The following MECOM variants were observed in gnomAD, a reference collection of about 807,000 sequenced individuals.
The protein encoded by MECOM is MDS1 and EVI1 complex locus, also known as histone-lysine N-methyltransferase MECOM.
A neutral mutation model predicts 116.3 loss-of-function variants in MECOM; 13 were observed. The observed-to-expected ratio is 0.11, with a 90% CI of 0.07 to 0.18. The LOEUF (loss-of-function observed/expected upper bound fraction) is 0.18. Ranked by LOEUF, MECOM falls within the 10% of genes least tolerant of loss-of-function variation. The pLI, the probability that MECOM is intolerant of heterozygous loss-of-function variation, is 1.00. For missense variants in MECOM, 1,299 were observed against 1,509.0 expected (o/e 0.86, Z 2.31); for synonymous variants, 528 against 535.2 (o/e 0.99, Z 0.19).
At chr3:169,277,323 A>C (rs140231472) in intron 2 of MECOM, among the ~76,000 whole-genome samples, 91 of 152,358 alleles carry the variant, frequency 6.0e-4, no homozygotes, top group African/African-American at 2.1e-3. Context: ...AAGGGATAAG[A>C]AACACTTTCT....
At chr3:169,602,013 G>GAA (rs1434373682) in intron 1 of MECOM, among the ~76,000 whole-genome samples, 35 of 151,908 alleles carry the variant, frequency 2.3e-4, no homozygotes, top group Non-Finnish European at 4.7e-4. Flanking sequence ...TTCAAGAAGA[G>GAA]GAACCCATTA....
At chr3:169,378,446 A>AAAGAAAGAAAGAAAGCAAGC (rs1731542714) in intron 2 of MECOM, among the ~76,000 whole-genome samples, 1 of 80,412 alleles carries the variant, frequency 1.2e-5, no homozygotes, top group Non-Finnish European at 2.2e-5. Flanking sequence ...AGAAAGAAAG[A>AAAGAAAGAAAGAAAGCAAGC]AAGAAGGAAA....
intron 1 of MECOM, among the ~76,000 whole-genome samples, chr3:169,390,472 T>C (rs1489500288): frequency 6.6e-6 from 1 of 152,188 alleles, no homozygotes. Flanking sequence ...GGGCAGAAGG[T>C]GTGGTTTACT....
At chr3:169,413,383 A>G (rs2108464536) in intron 1 of MECOM, among the ~76,000 whole-genome samples, 1 of 152,124 alleles carries the variant, frequency 6.6e-6, no homozygotes. Context: ...TCCATCAGGT[A>G]CCTACACCAC....
intron 2 of MECOM, among the ~76,000 whole-genome samples, chr3:169,310,997 A>G (rs116613950): frequency 1.2e-3 from 176 of 152,366 alleles, no homozygotes; most frequent in Middle Eastern, 3.4e-3. Flanking sequence ...AAGAAGATAC[A>G]GTAATATCCA....
chr3:169,126,782 A>G (rs747182718), intron 5 of MECOM, among the ~76,000 whole-genome samples: 1 of 152,040 alleles, frequency 6.6e-6, no homozygotes, highest in Non-Finnish European at 1.5e-5. Flanking sequence ...TAACCAGGAG[A>G]AGAGGATATA....
Position 169,208,797 on chromosome 3 carries a change from C to T in MECOM, c.376-64965G>A, listed in dbSNP as rs142725858. Among the ~76,000 whole-genome samples, 423 of 151,488 alleles carry T rather than the reference C, an allele frequency of 2.8e-3. 3 individuals carry two copies. The highest frequency in any genetic ancestry group is 7.2e-3 in the African/African-American group (299 of 41,280). On this transcript the variant is annotated intron_variant, in intron 2 of 16. Coordinates refer to ENST00000651503, the MANE Select transcript of MECOM (RefSeq NM_004991.4). ...TAATTTATAGATTCAATTCTATTCC[C>T]ATCAAACTACATTGACTTTCTTCAC...
intron 1 of MECOM, among the ~76,000 whole-genome samples, chr3:169,539,529 C>A (rs1759804423): frequency 1.3e-5 from 2 of 152,162 alleles, no homozygotes; most frequent in African/African-American, 4.8e-5. Flanking sequence ...TCATAAATGT[C>A]ACCACCACCC....
At chr3:169,261,924 T>C (rs1033476209) in intron 2 of MECOM, among the ~76,000 whole-genome samples, 4 of 152,226 alleles carry the variant, frequency 2.6e-5, no homozygotes, top group Non-Finnish European at 5.9e-5. Flanking sequence ...ATGCTATCTG[T>C]AGCTACAAAG....
intron 2 of MECOM, among the ~76,000 whole-genome samples, chr3:169,166,207 T>C (rs1380679683): frequency 6.6e-6 from 1 of 152,196 alleles, no homozygotes; most frequent in Admixed American, 6.5e-5. Context: ...AAAATGCCAA[T>C]GGCTTTCTAT....
intron 2 of MECOM, among the ~76,000 whole-genome samples, chr3:169,365,816 A>G (rs1259813707): frequency 6.6e-6 from 1 of 152,032 alleles, no homozygotes; most frequent in African/African-American, 2.4e-5. Flanking sequence ...AACAACATCA[A>G]ATAAACTCCA....
intron 1 of MECOM, among the ~76,000 whole-genome samples, chr3:169,519,376 A>G (rs1757080849): frequency 6.6e-6 from 1 of 152,244 alleles, no homozygotes; most frequent in Non-Finnish European, 1.5e-5. Flanking sequence ...TATCAAAGAT[A>G]TATGAACTTT....
At chr3:169,092,717 T>C (rs1423399084) in intron 14 of MECOM, among the ~76,000 whole-genome samples, 1 of 152,098 alleles carries the variant, frequency 6.6e-6, no homozygotes, top group Non-Finnish European at 1.5e-5. Context: ...AGCTTCAATG[T>C]CTCCATTCCT....
chr3:169,395,406 A>G, intron 1 of MECOM, among the ~76,000 whole-genome samples: 1 of 152,194 alleles, frequency 6.6e-6, no homozygotes, highest in Admixed American at 6.5e-5. Flanking sequence ...AAGGCATTAC[A>G]CAAATTGTGT....
chr3:169,474,535 C>T (rs1022326048), intron 1 of MECOM, among the ~76,000 whole-genome samples: 3 of 152,060 alleles, frequency 2.0e-5, no homozygotes, highest in Non-Finnish European at 4.4e-5. Context: ...TATATTGTTA[C>T]AATCATATAT....
chr3:169,306,148 A>G (rs1717656428), intron 2 of MECOM, among the ~76,000 whole-genome samples: 1 of 152,164 alleles, frequency 6.6e-6, no homozygotes, highest in Admixed American at 6.5e-5. Flanking sequence ...AAAGTAAAGC[A>G]TTATCGAGGT....
chr3:169,486,006 CT>C (rs1752293763), intron 1 of MECOM, among the ~76,000 whole-genome samples: 1 of 108,546 alleles, frequency 9.2e-6, no homozygotes, highest in Admixed American at 1.1e-4. Flanking sequence ...TATATATATA[CT>C]ATATATATAT....
At position 169,656,894 on chromosome 3, in the gene MECOM, T is replaced by A. The variant is rs185959653; in HGVS notation, c.37+6442A>T. Among the ~76,000 whole-genome samples the A allele has an allele frequency of 4.6e-5, 7 of 152,378 alleles. No homozygotes were observed. In the East Asian group the frequency reaches 1.2e-3, roughly 25 times the overall value. ...ATGTACTTCTTAGAACAACTATGTT[T>A]CTATATAGATAAAAATGCTGTATGG... On this transcript the variant is annotated intron_variant, in intron 1 of 16. Transcript: ENST00000651503.
At chr3:169,101,979 A>C in intron 11 of MECOM, 81 bp downstream of exon 11, 1 of 1,392,252 alleles carries the variant, frequency 7.2e-7, no homozygotes, top group Non-Finnish European at 9.8e-7. Context: ...ATCAGGAATA[A>C]TTTCCAAAAC....
Sources: gnomAD v4.1 joint callset for allele counts (sites outside exome capture counted in the v4.1 genomes callset) on GRCh38, gnomAD v4.1.1 for gene constraint, MANE v1.5 for transcripts, NCBI Gene and HGNC (gene_info 2026-07-23, HGNC 2026-07-21) for gene names.